Variants in ESD observed in about 807,000 individuals in gnomAD.
ESD encodes S-formylglutathione hydrolase.
ESD carries 34 observed loss-of-function variants against 38.1 expected under a neutral mutation model. The ratio of observed to expected loss-of-function variants is 0.89; its 90% CI spans 0.68 to 1.19. The LOEUF (loss-of-function observed/expected upper bound fraction) is 1.19, where lower values mean the gene tolerates loss of function less well. ESD is among the 50% of genes most tolerant of loss of function. ESD has a pLI of 0.00. For missense variants in ESD, 334 were observed against 327.2 expected (o/e 1.02, Z -0.16); for synonymous variants, 97 against 107.0 (o/e 0.91, Z 0.58).
chr13:46,776,838 A>C (rs1164496039), intron 9 of ESD: 2 of 152,034 alleles, frequency 1.3e-5, no homozygotes, highest in African/African-American at 4.8e-5. Flanking sequence ...GAAGCTTATG[A>C]ATTTTTCTTA....
chr13:46,781,139 T>A (rs947272628), intron 7 of ESD, among the ~76,000 whole-genome samples: 2 of 151,730 alleles, frequency 1.3e-5, no homozygotes, highest in Non-Finnish European at 3.0e-5. Flanking sequence ...ACATCCCTGG[T>A]AAGAATATAA....
chr13:46,776,335 T>C (rs1874797301), intron 9 of ESD: 1 of 152,200 alleles, frequency 6.6e-6, no homozygotes, highest in South Asian at 2.1e-4. Flanking sequence ...TCAGATCTTC[T>C]GCATAAGTTA....
At chr13:46,796,771 G>A (rs1875596223) in intron 1 of ESD, among the ~76,000 whole-genome samples, 1 of 152,200 alleles carries the variant, frequency 6.6e-6, no homozygotes, top group Non-Finnish European at 1.5e-5. Context: ...TCACATTTTC[G>A]CGCGGTGGCT....
At chr13:46,773,731 C>G (rs941785589) in intron 9 of ESD, among the ~76,000 whole-genome samples, 1 of 152,176 alleles carries the variant, frequency 6.6e-6, no homozygotes, top group Non-Finnish European at 1.5e-5. Context: ...AATCTGTCTT[C>G]TATCATGGAA....
chr13:46,793,489 A>G (rs1294886478), intron 1 of ESD, 45 bp from the exon 2 acceptor site: 1 of 152,630 alleles, frequency 6.6e-6, no homozygotes, highest in Non-Finnish European at 1.5e-5. Context: ...TACTTTTCAC[A>G]GCAAAGGTTA....
intron 6 of ESD, 28 bp downstream of exon 6, chr13:46,782,639 T>A: frequency 2.5e-6 from 4 of 1,606,744 alleles, no homozygotes; most frequent in Non-Finnish European, 2.6e-6. Context: ...CAGTCATCAA[T>A]TAATAATTAC....
Position 46,777,585 on chromosome 13 carries a change from T to A in ESD, c.639A>T (p.Gly213=), listed in dbSNP as rs771094740. The stretch of plus-strand genomic sequence containing the variant: ...GATCAATTAGTATGTCCAGCTGAGA[T>A]CCTGGATAGGATTTCACAAGGTGGG... ...DATHLVKSYP[G]SQLDILIDQG... Residue 213 remains glycine (G), a synonymous_variant, in exon 9 of 10, where the codon GGA becomes GGT. Coordinates refer to ENST00000378720, the MANE Select transcript of ESD (RefSeq NM_001984.2). 74 of 1,608,846 alleles carry A rather than the reference T, an allele frequency of 4.6e-5. No homozygotes were observed. Among genetic ancestry groups the A allele is most frequent in the Non-Finnish European group, 6.1e-5 (72 of 1,177,218 alleles).
intron 9 of ESD, among the ~76,000 whole-genome samples, chr13:46,773,250 G>A (rs1874676974): frequency 6.6e-6 from 1 of 152,128 alleles, no homozygotes; most frequent in Admixed American, 6.5e-5. Context: ...ATATTCCTTT[G>A]GGTATACACC....
rs1327358789 is a variant in ESD at position 46,776,639 on chromosome 13, G to A, written c.768+817C>T. 3 of 152,060 alleles carry A rather than the reference G, an allele frequency of 2.0e-5. No individual in the cohort carries two copies. In the East Asian group the frequency reaches 5.8e-4, roughly 29 times the overall value. The allele number at this position is 152,060 out of a possible 1,614,324, so 9.4% of individuals were successfully genotyped here. A position where few individuals can be genotyped will look rare whatever the true frequency, so the allele number is the denominator to read the frequency against. On this transcript the variant is annotated intron_variant, in intron 9 of 9. Coordinates refer to ENST00000378720, the MANE Select transcript of ESD (RefSeq NM_001984.2). ...TTAACAATGAGTTAATGCTGTGAAA[G>A]CATTTTACAAACTAATGTACCACAT... is the stretch of plus-strand genomic sequence containing the variant.
intron 9 of ESD, among the ~76,000 whole-genome samples, chr13:46,772,696 C>G (rs1874648907): frequency 6.8e-6 from 1 of 146,360 alleles, no homozygotes; most frequent in African/African-American, 2.5e-5. Flanking sequence ...GGTGTTTGGT[C>G]TTTTTTTTTT....
rs146196833 is a variant in ESD, at chr13:46,772,543, A to C, written c.769-1047T>G. Among the ~76,000 whole-genome samples the C allele has an allele frequency of 1.7e-3, 264 of 152,336 alleles. 4 individuals are homozygous for C. Among genetic ancestry groups the C allele is most frequent in the African/African-American group, 5.8e-3 (243 of 41,576 alleles). On this transcript the variant is annotated intron_variant, in intron 9 of 9. Coordinates refer to ENST00000378720, the MANE Select transcript of ESD (RefSeq NM_001984.2). Reference sequence around the variant, plus strand: ...GCTCAGATCAAGCCATCACCTAGGTATTAAGCCGAGCATCCATCAGCTGTT... The same window carrying C: ...GCTCAGATCAAGCCATCACCTAGGTCTTAAGCCGAGCATCCATCAGCTGTT...
In ESD at chr13:46,779,870, T is replaced by C. The variant is rs1055514364; in HGVS notation, c.600+65A>G. ...ATGAGCAGGGTAGGAATATAATATA[T>C]GTCCAACCTTTTAAACAAACTTGAA... On this transcript the variant is annotated intron_variant, in intron 8 of 9. Transcript: ENST00000378720. The C allele has an allele frequency of 5.6e-6, 7 of 1,257,140 alleles. No individual in the cohort carries two copies. In the African/African-American group the frequency reaches 9.1e-5, roughly 16 times the overall value. The allele number at this position is 1,257,140 out of a possible 1,614,324, so 77.9% of individuals were successfully genotyped here.
At chr13:46,781,071 C>G (rs1474973423) in intron 7 of ESD, among the ~76,000 whole-genome samples, 1 of 151,702 alleles carries the variant, frequency 6.6e-6, no homozygotes, top group African/African-American at 2.4e-5. Context: ...GAACACAATT[C>G]TTAAGCTTCT....
At chr13:46,794,008 T>C (rs967652418) in intron 1 of ESD, among the ~76,000 whole-genome samples, 6 of 152,166 alleles carry the variant, frequency 3.9e-5, no homozygotes, top group Admixed American at 3.3e-4. Flanking sequence ...ACTTACATAG[T>C]ATATATCATG....
At chr13:46,793,193 G>A (rs768332207) in intron 2 of ESD, among the ~76,000 whole-genome samples, 5 of 151,994 alleles carry the variant, frequency 3.3e-5, no homozygotes, top group Non-Finnish European at 7.4e-5. Context: ...AAAAAAATAT[G>A]TTAGGCTTAA....
chr13:46,787,144 G>A (rs1875222196), intron 3 of ESD, 35 bp from the exon 4 acceptor site: 1 of 1,236,990 alleles, frequency 8.1e-7, no homozygotes, highest in South Asian at 1.4e-5. Flanking sequence ...AAATATTAAT[G>A]CCCCTCATTA....
At chr13:46,784,147 C>G in intron 5 of ESD, 105 bp downstream of exon 5, 1 of 867,720 alleles carries the variant, frequency 1.2e-6, no homozygotes, top group East Asian at 2.7e-5. Flanking sequence ...ATAGAGATAA[C>G]AGCAAAAATA....
intron 1 of ESD, among the ~76,000 whole-genome samples, chr13:46,795,832 A>C (rs1468157635): frequency 6.6e-6 from 1 of 150,704 alleles, no homozygotes; most frequent in African/African-American, 2.4e-5. Context: ...GGCTCACTGC[A>C]ATCATCTCGG....
intron 2 of ESD, among the ~76,000 whole-genome samples, chr13:46,791,809 G>C (rs184559027): frequency 7.9e-5 from 12 of 152,110 alleles, no homozygotes; most frequent in Non-Finnish European, 8.8e-5. Flanking sequence ...CAAGGAATTG[G>C]TATGACTGAT....
Sources: gnomAD v4.1 joint callset for allele counts (sites outside exome capture counted in the v4.1 genomes callset) on GRCh38, gnomAD v4.1.1 for gene constraint, MANE v1.5 for transcripts, NCBI Gene and HGNC (gene_info 2026-07-23, HGNC 2026-07-21) for gene names.